SLC4A10: variants seen among roughly 807,000 people sequenced by gnomAD.
The protein encoded by SLC4A10 is solute carrier family 4 member 10.
Under a neutral mutation model 137.7 loss-of-function variants are expected in SLC4A10, and 42 were observed. The observed-to-expected ratio is 0.30, with a 90% CI of 0.24 to 0.39. The LOEUF is 0.39. Ranked by LOEUF, SLC4A10 falls within the 10% of genes least tolerant of loss-of-function variation. SLC4A10 has a pLI of 1.00. For synonymous variants in SLC4A10, 474 were observed against 464.1 expected (o/e 1.02, Z -0.27); for missense variants, 925 against 1,355.0 (o/e 0.68, Z 4.98).
intron 2 of SLC4A10, among the ~76,000 whole-genome samples, chr2:161,799,180 G>C (rs978118870): frequency 1.3e-5 from 2 of 151,554 alleles, no homozygotes; most frequent in African/African-American, 4.8e-5. Context: ...TTTAAGAAAT[G>C]TCCACTTGAA....
At chr2:161,671,754 C>A (rs2039748785) in intron 1 of SLC4A10, among the ~76,000 whole-genome samples, 1 of 152,120 alleles carries the variant, frequency 6.6e-6, no homozygotes, top group Non-Finnish European at 1.5e-5. Context: ...CATAGCATTT[C>A]AGAGTTTGGG....
At chr2:161,814,616 G>A (rs10185756) in intron 3 of SLC4A10, among the ~76,000 whole-genome samples, 4,666 of 152,202 alleles carry the variant, frequency 0.031, 242 homozygotes, top group African/African-American at 0.11. Context: ...GTTCTTTGCA[G>A]CAACATGTAT....
chr2:161,830,958 A>G (rs1049278240), intron 3 of SLC4A10, among the ~76,000 whole-genome samples: 4 of 152,294 alleles, frequency 2.6e-5, no homozygotes, highest in East Asian at 3.9e-4. Context: ...ATGTGTTCAT[A>G]TGTCTGTTTT....
Position 161,652,410 on chromosome 2 carries a change from T to G in SLC4A10, c.48+27844T>G, listed in dbSNP as rs192904655. Among the ~76,000 whole-genome samples the G allele has an allele frequency of 7.3e-3, 1,109 of 152,228 alleles. 13 individuals are homozygous for G. The highest frequency in any genetic ancestry group is 7.7e-3 in the Non-Finnish European group (524 of 67,990). On this transcript the variant is annotated intron_variant, in intron 1 of 26. Coordinates refer to ENST00000446997, the MANE Select transcript of SLC4A10 (RefSeq NM_001178015.2). ...TGTTGTTTTGAGGGATCATGTTGAA[T>G]GCAAGAGAAAAGATATACACACACA...
chr2:161,656,601 TA>T (rs769607967), intron 1 of SLC4A10, among the ~76,000 whole-genome samples: 2 of 152,180 alleles, frequency 1.3e-5, no homozygotes, highest in East Asian at 1.9e-4. Flanking sequence ...ATAACATGTA[TA>T]AAATACAAAT....
In SLC4A10 at chr2:161,863,143, G is replaced by A. The variant is rs2060529428; in HGVS notation, c.766+81G>A. 7.1e-6 allele frequency: 9 copies of A among 1,261,020 alleles called. No homozygotes were observed. In the South Asian group the frequency reaches 1.6e-4, roughly 22 times the overall value. The allele number at this position is 1,261,020 out of a possible 1,614,324, so 78.1% of individuals were successfully genotyped here. A position where few individuals can be genotyped will look rare whatever the true frequency, so the allele number is the denominator to read the frequency against. On this transcript the variant is annotated intron_variant, in intron 6 of 26. Coordinates refer to ENST00000446997, the MANE Select transcript of SLC4A10 (RefSeq NM_001178015.2). ...AGCGCTTCTAAATCTTTTAAAACTT[G>A]TTTTATTTGAAAATGATTTTTTGAA...
chr2:161,725,885 C>A (rs1284996896), intron 1 of SLC4A10, among the ~76,000 whole-genome samples: 1 of 152,128 alleles, frequency 6.6e-6, no homozygotes, highest in East Asian at 1.9e-4. Context: ...ATTTATATAT[C>A]CCTTAGAATA....
chr2:161,637,043 A>G (rs1473906822), intron 1 of SLC4A10, among the ~76,000 whole-genome samples: 4 of 143,178 alleles, frequency 2.8e-5, no homozygotes, highest in African/African-American at 1.0e-4. Context: ...TTATTTATGT[A>G]TATAGATATA....
At chr2:161,914,730 A>G (rs1686704432) in intron 15 of SLC4A10, among the ~76,000 whole-genome samples, 1 of 152,136 alleles carries the variant, frequency 6.6e-6, no homozygotes, top group African/African-American at 2.4e-5. Flanking sequence ...GATATGACTC[A>G]ATGTTATAGG....
chr2:161,965,791 G>A (rs1172217573), intron 23 of SLC4A10, among the ~76,000 whole-genome samples: 3 of 151,864 alleles, frequency 2.0e-5, no homozygotes, highest in African/African-American at 7.3e-5. Context: ...TATAAGTTTC[G>A]TGGCATATTT....
At chr2:161,695,260 C>T (rs1228876942) in intron 1 of SLC4A10, among the ~76,000 whole-genome samples, 1 of 152,014 alleles carries the variant, frequency 6.6e-6, no homozygotes, top group Non-Finnish European at 1.5e-5. Flanking sequence ...ATTTTTAGCA[C>T]ACCTATAATT....
intron 3 of SLC4A10, among the ~76,000 whole-genome samples, chr2:161,807,749 ATT>A (rs1264478076): frequency 1.3e-5 from 2 of 151,894 alleles, no homozygotes; most frequent in African/African-American, 4.8e-5. Flanking sequence ...TTTTATTTTC[ATT>A]TTTAATAGGA....
rs775357025 is a variant in SLC4A10, at chr2:161,950,683, A to T, written c.2380-4A>T. ...TAACTATGCACATTCTTTACTTTATACAGCCCACTAGAGATGATCGTGGCT... is the reference window on the plus strand; with the variant it reads ...TAACTATGCACATTCTTTACTTTATTCAGCCCACTAGAGATGATCGTGGCT... On this transcript the variant is annotated splice_polypyrimidine_tract_variant and splice_region_variant and intron_variant, in intron 18 of 26. Transcript: ENST00000446997. 17 of 1,578,134 alleles carry T rather than the reference A, an allele frequency of 1.1e-5. No homozygotes were observed. Among genetic ancestry groups the T allele is most frequent in the Non-Finnish European group, 1.5e-5 (17 of 1,160,018 alleles).
intron 10 of SLC4A10, among the ~76,000 whole-genome samples, chr2:161,893,636 G>A (rs1281750249): frequency 6.6e-6 from 1 of 151,946 alleles, no homozygotes; most frequent in African/African-American, 2.4e-5. Context: ...GGAGTTCAAG[G>A]CTGCAGTGAG....
chr2:161,629,095 A>G (rs1340659373), intron 1 of SLC4A10, among the ~76,000 whole-genome samples: 2 of 151,970 alleles, frequency 1.3e-5, no homozygotes, highest in Non-Finnish European at 2.9e-5. Flanking sequence ...AGAAATGTGG[A>G]TGCCACTCTC....
At chr2:161,825,579 C>CCTCT (rs372609158) in intron 3 of SLC4A10, among the ~76,000 whole-genome samples, 1 of 151,668 alleles carries the variant, frequency 6.6e-6, no homozygotes, top group South Asian at 2.1e-4. Flanking sequence ...TATTCCACAC[C>CCTCT]CTCTCTCTCT....
intron 15 of SLC4A10, 94 bp downstream of exon 15, chr2:161,905,981 T>C: frequency 6.9e-7 from 1 of 1,454,134 alleles, no homozygotes; most frequent in Non-Finnish European, 9.2e-7. Flanking sequence ...CAGCAGAGAA[T>C]GTGCCTTAAG....
chr2:161,916,950 G>T (rs1246132366), intron 15 of SLC4A10, among the ~76,000 whole-genome samples: 2 of 152,112 alleles, frequency 1.3e-5, no homozygotes, highest in African/African-American at 4.8e-5. Context: ...TTTGAAGTAT[G>T]CCCTTAAGTG....
In SLC4A10 at chr2:161,802,616, G is replaced by T. The variant is rs918855055; in HGVS notation, c.131-1833G>T. ...CTTGCTGTATTAGTTGACTGGGGCT[G>T]CCAGAAAAAAATACCACAGGCTGGG... On this transcript the variant is annotated intron_variant, in intron 2 of 26. Transcript: ENST00000446997. 3.9e-5 allele frequency among the ~76,000 whole-genome samples: 6 copies of T among 152,188 alleles called. No individual in the cohort carries two copies. In the South Asian group the frequency reaches 1.2e-3, roughly 32 times the overall value.
Sources: gnomAD v4.1 joint callset for allele counts (sites outside exome capture counted in the v4.1 genomes callset) on GRCh38, gnomAD v4.1.1 for gene constraint, MANE v1.5 for transcripts, NCBI Gene and HGNC (gene_info 2026-07-23, HGNC 2026-07-21) for gene names.